ITPR1: variants seen among roughly 807,000 people sequenced by gnomAD.
The protein encoded by ITPR1 is inositol 1,4,5-trisphosphate-gated calcium channel ITPR1.
Under a neutral mutation model 318.4 loss-of-function variants are expected in ITPR1, and 96 were observed. The ratio of observed to expected loss-of-function variants is 0.30; its 90% CI spans 0.26 to 0.36. The LOEUF is 0.36. Among genes scored for constraint, ITPR1 ranks in the 10% least tolerant of loss-of-function variants. ITPR1 has a pLI of 1.00. For missense variants in ITPR1, 2,440 were observed against 3,460.2 expected (o/e 0.71, Z 7.40); for synonymous variants, 1,312 against 1,289.9 (o/e 1.02, Z -0.37).
chr3:4,661,864 C>G (rs759892120), intron 14 of ITPR1, among the ~76,000 whole-genome samples: 4 of 152,122 alleles, frequency 2.6e-5, no homozygotes, highest in Non-Finnish European at 5.9e-5. Context: ...ATTAATGCCT[C>G]CTTCCTGCCA....
At chr3:4,591,709 A>G (rs114517240) in intron 4 of ITPR1, among the ~76,000 whole-genome samples, 4,274 of 152,342 alleles carry the variant, frequency 0.028, 103 homozygotes, top group Admixed American at 0.076. Context: ...ACCCTGATCA[A>G]AAACATTTTT....
At chr3:4,601,597 C>T (rs2091291145) in intron 4 of ITPR1, among the ~76,000 whole-genome samples, 1 of 151,952 alleles carries the variant, frequency 6.6e-6, no homozygotes, top group Non-Finnish European at 1.5e-5. Flanking sequence ...TAAAACTATA[C>T]ACCTCCTAGA....
Position 4,735,229 on chromosome 3 carries a change from C to G in ITPR1, c.5419C>G (p.Leu1807Val). ...EMSLAEVQCHLDKEGASNLVI... is the reference protein window; with the variant it reads ...EMSLAEVQCHVDKEGASNLVI... Reference sequence around the variant, plus strand: ...GAGTCTGGCCGAGGTTCAGTGTCACCTTGACAAGGAGGGGGCTTCCAATCT... The same window carrying G: ...GAGTCTGGCCGAGGTTCAGTGTCACGTTGACAAGGAGGGGGCTTCCAATCT... The change falls in exon 44 of 62, where the codon CTT becomes GTT. Residue 1807 changes from leucine (L) to valine (V), a missense_variant. By Grantham distance (32) the Leu-to-Val change is conservative. Coordinates refer to ENST00000649015, the MANE Select transcript of ITPR1 (RefSeq NM_001378452.1). 6.2e-7 allele frequency: 1 copy of G among 1,613,944 alleles called. No homozygotes were observed. The highest frequency in any genetic ancestry group is 8.5e-7 in the Non-Finnish European group (1 of 1,179,848).
At chr3:4,565,451 C>T (rs2087133485) in intron 4 of ITPR1, among the ~76,000 whole-genome samples, 1 of 152,184 alleles carries the variant, frequency 6.6e-6, no homozygotes, top group South Asian at 2.1e-4. Flanking sequence ...ATGTAATACG[C>T]AGCAGTACTG....
chr3:4,841,028 C>CT (rs2051305175), intron 61 of ITPR1, among the ~76,000 whole-genome samples: 1 of 152,126 alleles, frequency 6.6e-6, no homozygotes, highest in Non-Finnish European at 1.5e-5. Context: ...ACATTAACTG[C>CT]TTAAGGACAG....
chr3:4,601,165 GA>G (rs1370507692), intron 4 of ITPR1, among the ~76,000 whole-genome samples: 2 of 117,068 alleles, frequency 1.7e-5, no homozygotes, highest in South Asian at 2.8e-4. Context: ...ATTAAATGGG[GA>G]AAAATATTCT....
At chr3:4,753,789 C>T (rs537930672) in intron 44 of ITPR1, among the ~76,000 whole-genome samples, 2 of 152,238 alleles carry the variant, frequency 1.3e-5, no homozygotes, top group South Asian at 2.1e-4. Flanking sequence ...GCGAAGGGAA[C>T]GTGGCTGGTG....
intron 4 of ITPR1, among the ~76,000 whole-genome samples, chr3:4,599,701 T>TTC (rs1270776974): frequency 6.6e-6 from 1 of 152,190 alleles, no homozygotes; most frequent in African/African-American, 2.4e-5. Flanking sequence ...GCAGCAAGCC[T>TTC]TCCCCTACTC....
At chr3:4,585,262 C>T (rs2089775117) in intron 4 of ITPR1, among the ~76,000 whole-genome samples, 2 of 152,152 alleles carry the variant, frequency 1.3e-5, no homozygotes, top group Non-Finnish European at 2.9e-5. Context: ...AACCAATTAC[C>T]TCTCTATATA....
At chr3:4,769,115 G>A (rs1169836422) in intron 46 of ITPR1, among the ~76,000 whole-genome samples, 1 of 151,980 alleles carries the variant, frequency 6.6e-6, no homozygotes, top group African/African-American at 2.4e-5. Flanking sequence ...GGCCAGGCTG[G>A]TCTCGAACTC....
intron 3 of ITPR1, among the ~76,000 whole-genome samples, chr3:4,516,928 A>G (rs1373934663): frequency 1.3e-5 from 2 of 152,216 alleles, no homozygotes; most frequent in Non-Finnish European, 2.9e-5. Flanking sequence ...GCAGAGCCCA[A>G]AGAAGTGCTT....
chr3:4,839,566 T>A (rs1398302328), intron 61 of ITPR1, among the ~76,000 whole-genome samples: 5 of 151,972 alleles, frequency 3.3e-5, no homozygotes, highest in South Asian at 2.1e-4. Context: ...ACTCTTTTTT[T>A]AAAAAAAAGC....
At chr3:4,523,208 G>A (rs189306456) in intron 4 of ITPR1, among the ~76,000 whole-genome samples, 53 of 152,220 alleles carry the variant, frequency 3.5e-4, no homozygotes, top group African/African-American at 1.3e-3. Flanking sequence ...TTCTATATAC[G>A]GGCCTTGGGA....
chr3:4,663,348 A>AT, intron 16 of ITPR1, 142 bp downstream of exon 16: 1 of 625,098 alleles, frequency 1.6e-6, no homozygotes, highest in Non-Finnish European at 2.6e-6. Context: ...GGTTGCAGTG[A>AT]GCTGATCGCA....
chr3:4,766,492 A>T lies in ITPR1; in HGVS notation c.5545-38A>T, dbSNP rs746891214. ...CATGAGTGGGGTGCAGTTTCTGGTCAGTTACAGTGTTCACAATCTATGGAT... is the reference window on the plus strand; with the variant it reads ...CATGAGTGGGGTGCAGTTTCTGGTCTGTTACAGTGTTCACAATCTATGGAT... On this transcript the variant is annotated intron_variant, in intron 44 of 61. Transcript: ENST00000649015. 3.6e-5 allele frequency: 57 copies of T among 1,581,300 alleles called. No individual in the cohort carries two copies. The East Asian group carries it at 1.2e-3, about 34-fold the overall frequency.
chr3:4,540,788 C>G (rs2084369087), intron 4 of ITPR1, among the ~76,000 whole-genome samples: 1 of 152,116 alleles, frequency 6.6e-6, no homozygotes, highest in Non-Finnish European at 1.5e-5. Context: ...ATTGCCCAGT[C>G]TGGTCTTGAA....
At chr3:4,708,253 T>C (rs935067098) in intron 37 of ITPR1, among the ~76,000 whole-genome samples, 14 of 152,192 alleles carry the variant, frequency 9.2e-5, no homozygotes, top group African/African-American at 3.4e-4. Flanking sequence ...TTCCTTTTTT[T>C]TCTTAGCGTC....
At chr3:4,796,656 A>T (rs1442804807) in intron 53 of ITPR1, among the ~76,000 whole-genome samples, 1 of 152,206 alleles carries the variant, frequency 6.6e-6, no homozygotes, top group Non-Finnish European at 1.5e-5. Flanking sequence ...CATTCAGGCC[A>T]GTTCTGGGGA....
chr3:4,590,480 G>A (rs2090304901), intron 4 of ITPR1, among the ~76,000 whole-genome samples: 1 of 150,166 alleles, frequency 6.7e-6, no homozygotes, highest in Non-Finnish European at 1.5e-5. Context: ...CTTCATCCCT[G>A]GTAAACGGTC....
Sources: gnomAD v4.1 joint callset for allele counts (sites outside exome capture counted in the v4.1 genomes callset) on GRCh38, gnomAD v4.1.1 for gene constraint, MANE v1.5 for transcripts, NCBI Gene and HGNC (gene_info 2026-07-23, HGNC 2026-07-21) for gene names.